CEP85L: variants seen among roughly 807,000 people sequenced by gnomAD.
CEP85L encodes the protein centrosomal protein 85L, also known as centrosomal protein of 85 kDa-like.
In CEP85L, 60 loss-of-function variants were observed where a neutral mutation model predicts 100.3. The observed-to-expected ratio is 0.60, with a 90% CI of 0.49 to 0.74. The LOEUF is 0.74. Among genes scored for constraint, CEP85L ranks in the 30% least tolerant of loss-of-function variants. The pLI is 0.00. For missense variants in CEP85L, 973 were observed against 936.2 expected (o/e 1.04, Z -0.51); for synonymous variants, 319 against 322.7 (o/e 0.99, Z 0.12).
At chr6:118,676,165 T>C (rs1776475503) in intron 1 of CEP85L, among the ~76,000 whole-genome samples, 1 of 152,214 alleles carries the variant, frequency 6.6e-6, no homozygotes, top group Non-Finnish European at 1.5e-5. Context: ...TTGATCTATG[T>C]ATACATGGTG....
At chr6:118,667,191 G>A (rs1047868538) in intron 1 of CEP85L, among the ~76,000 whole-genome samples, 1 of 152,180 alleles carries the variant, frequency 6.6e-6, no homozygotes, top group African/African-American at 2.4e-5. Flanking sequence ...ATGGTGCTGA[G>A]ATTCTAGATT....
At chr6:118,477,537 T>C (rs928621329) in intron 10 of CEP85L, among the ~76,000 whole-genome samples, 6 of 152,172 alleles carry the variant, frequency 3.9e-5, no homozygotes, top group African/African-American at 1.4e-4. Flanking sequence ...ACATAAAATG[T>C]ACATAGCCTG....
intron 3 of CEP85L, among the ~76,000 whole-genome samples, chr6:118,540,869 A>G (rs1777871506): frequency 6.6e-6 from 1 of 152,176 alleles, no homozygotes; most frequent in African/African-American, 2.4e-5. Context: ...CTGCACAACT[A>G]ATTTTAGTTT....
In CEP85L at chr6:118,561,048, A is replaced by C. The variant is rs143537451; in HGVS notation, c.1020+4481T>G. The stretch of plus-strand genomic sequence containing the variant: ...TTCTTACACAAGTGTTGCTAACTCA[A>C]TAGTGAAGGAGACACTATTAAATTT... On this transcript the variant is annotated intron_variant, in intron 3 of 12. Transcript: ENST00000368491. 3.7e-3 allele frequency among the ~76,000 whole-genome samples: 565 copies of C among 152,328 alleles called. 3 individuals carry two copies. The highest frequency in any genetic ancestry group is 0.013 in the African/African-American group (539 of 41,574).
intron 5 of CEP85L, among the ~76,000 whole-genome samples, chr6:118,496,632 C>G (rs1296696091): frequency 6.6e-6 from 1 of 152,114 alleles, no homozygotes; most frequent in Non-Finnish European, 1.5e-5. Context: ...GGATTACAGG[C>G]GTGAGCCACT....
intron 2 of CEP85L, among the ~76,000 whole-genome samples, chr6:118,620,859 T>C (rs539396918): frequency 2.6e-5 from 4 of 152,314 alleles, no homozygotes; most frequent in African/African-American, 9.6e-5. Context: ...CTTGCTCTTT[T>C]CACGTCTTTC....
intron 3 of CEP85L, among the ~76,000 whole-genome samples, chr6:118,525,374 T>C (rs1362277439): frequency 6.6e-6 from 1 of 152,186 alleles, no homozygotes; most frequent in African/African-American, 2.4e-5. Flanking sequence ...TAAGTTGAAG[T>C]CCTAACCTCT....
In CEP85L at chr6:118,551,686, T is replaced by C. The variant is rs149050437; in HGVS notation, c.1020+13843A>G. Among the ~76,000 whole-genome samples, 62 of 152,136 alleles carry C rather than the reference T, an allele frequency of 4.1e-4. 1 individual carries two copies. The East Asian group carries it at 0.011, about 27-fold the overall frequency. ...TGAGAAGCACTTCATTATGGGTCAA[T>C]TTAGGAATGAGAATATATTGATTTT... On this transcript the variant is annotated intron_variant, in intron 3 of 12. Transcript: ENST00000368491.
chr6:118,647,037 T>C (rs2115370968), intron 1 of CEP85L: 2 of 985,276 alleles, frequency 2.0e-6, no homozygotes, highest in African/African-American at 1.7e-5. Context: ...TACCCCCCAA[T>C]ACCTATTATG....
chr6:118,638,025 C>G (rs1774619395), intron 1 of CEP85L, among the ~76,000 whole-genome samples: 1 of 151,896 alleles, frequency 6.6e-6, no homozygotes, highest in African/African-American at 2.4e-5. Context: ...CTAGATACTC[C>G]CATACACTGA....
chr6:118,585,122 C>T (rs1434527837), intron 2 of CEP85L, among the ~76,000 whole-genome samples: 3 of 152,228 alleles, frequency 2.0e-5, no homozygotes, highest in Non-Finnish European at 2.9e-5. Context: ...CATGACATCA[C>T]TGAAAGTGTG....
chr6:118,611,588 C>T (rs1211393599), intron 2 of CEP85L, among the ~76,000 whole-genome samples: 2 of 152,108 alleles, frequency 1.3e-5, no homozygotes, highest in Admixed American at 6.6e-5. Context: ...TGAGAAACCA[C>T]GTCCCAACTA....
chr6:118,662,544 A>C (rs961473087), intron 1 of CEP85L, among the ~76,000 whole-genome samples: 1 of 152,094 alleles, frequency 6.6e-6, no homozygotes, highest in African/African-American at 2.4e-5. Context: ...AGAAAAAAAA[A>C]AAAAAGAATA....
intron 2 of CEP85L, among the ~76,000 whole-genome samples, chr6:118,580,490 A>AAAT (rs1780509860): frequency 6.6e-6 from 1 of 152,226 alleles, no homozygotes; most frequent in African/African-American, 2.4e-5. Flanking sequence ...CTGGTTAGCT[A>AAAT]CACTTATCGT....
chr6:118,514,827 CAG>C (rs1173450995), intron 4 of CEP85L, among the ~76,000 whole-genome samples: 1 of 151,098 alleles, frequency 6.6e-6, no homozygotes, highest in African/African-American at 2.4e-5. Flanking sequence ...ATTTTAGAGA[CAG>C]GGTGTCACTC....
Position 118,691,071 on chromosome 6 carries a change from A to G in CEP85L, c.-28+18965T>C, listed in dbSNP as rs575252020. ...AAAGAGGGAGAGACAGTTTAAAAAA[A>G]AGAGACTGAAAAAGAGAAAAAGACA... On this transcript the variant is annotated intron_variant, in intron 1 of 13. Coordinates refer to the CEP85L transcript ENST00000368488. Among the ~76,000 whole-genome samples, 7 of 152,374 alleles carry G rather than the reference A, an allele frequency of 4.6e-5. No individual in the cohort carries two copies. In the East Asian group the frequency reaches 1.2e-3, roughly 25 times the overall value.
intron 3 of CEP85L, among the ~76,000 whole-genome samples, chr6:118,526,965 C>T (rs540238278): frequency 1.3e-5 from 2 of 151,258 alleles, no homozygotes; most frequent in East Asian, 2.0e-4. Context: ...GGCTGCTCTG[C>T]CTGTGGCGCA....
rs56123225 is a variant in CEP85L at position 118,569,341 on chromosome 6, CAAAAAA to C, written c.233-3031_233-3026del. 9.4e-3 allele frequency among the ~76,000 whole-genome samples: 639 copies of C among 68,172 alleles called. 7 individuals carry two copies. The highest frequency in any genetic ancestry group is 0.039 in the African/African-American group (578 of 14,890). 44.7% of individuals were successfully genotyped at this position (68,172 alleles called of 152,430 possible). A position where few individuals can be genotyped will look rare whatever the true frequency, so the allele number is the denominator to read the frequency against. ...TGGGTGACAAGGCTAGACTCTGTCT[CAAAAAA>C]AAAAAAAAAAAAAAAAAAAAAGGAG... On this transcript the variant is annotated intron_variant, in intron 2 of 12. Coordinates refer to ENST00000368491, the MANE Select transcript of CEP85L (RefSeq NM_001042475.3).
chr6:118,672,672 A>G (rs753529803), intron 1 of CEP85L, among the ~76,000 whole-genome samples: 42 of 152,170 alleles, frequency 2.8e-4, no homozygotes, highest in Non-Finnish European at 5.3e-4. Context: ...AAGCTGAGAC[A>G]GGAGAATCAC....
Sources: gnomAD v4.1 joint callset for allele counts (sites outside exome capture counted in the v4.1 genomes callset) on GRCh38, gnomAD v4.1.1 for gene constraint, MANE v1.5 for transcripts, NCBI Gene and HGNC (gene_info 2026-07-23, HGNC 2026-07-21) for gene names.